Variants in SASH1 observed in about 807,000 individuals in gnomAD.
The protein encoded by SASH1 is SAM and SH3 domain-containing protein 1.
SASH1 carries 44 observed loss-of-function variants against 125.2 expected under a neutral mutation model. The ratio of observed to expected loss-of-function variants is 0.35; its 90% CI spans 0.28 to 0.45. The LOEUF (loss-of-function observed/expected upper bound fraction) is 0.45. Ranked by LOEUF, SASH1 falls within the 20% of genes least tolerant of loss-of-function variation. The pLI is 1.00. For synonymous variants in SASH1, 639 were observed against 649.1 expected, an observed-to-expected ratio of 0.98 and a Z score of 0.24; for missense variants, 1,426 against 1,614.5, an observed-to-expected ratio of 0.88 and a Z score of 2.00.
At chr6:148,321,479 G>A (rs1780632857) in intron 1 of SASH1, among the ~76,000 whole-genome samples, 1 of 151,582 alleles carries the variant, frequency 6.6e-6, no homozygotes, top group African/African-American at 2.4e-5. Flanking sequence ...TACTGAAACA[G>A]AGGAACCCCT....
chr6:148,304,825 C>T (rs992269839), intron 1 of SASH1, among the ~76,000 whole-genome samples: 5 of 152,196 alleles, frequency 3.3e-5, no homozygotes, highest in African/African-American at 1.2e-4. Context: ...GTCAGGAGTT[C>T]GAGATCAGCC....
rs1391981162 is a variant in SASH1 at position 148,390,190 on chromosome 6, C to A, written c.213C>A (p.Asn71Lys). Reference sequence around the variant, plus strand: ...CGCAGCAGTATGCAGATTATTACAACACCTGTTTCTCCGACGTGTGCGAGA... The same window carrying A: ...CGCAGCAGTATGCAGATTATTACAAAACCTGTTTCTCCGACGTGTGCGAGA... ...DLAQQYADYY[N>K]TCFSDVCERM... is the part of the protein sequence containing the mutation. Residue 71 changes from asparagine (N) to lysine (K), a missense_variant, in exon 2 of 20, where the codon AAC (asparagine) becomes AAA (lysine). This residue lies in a region of SASH1 where 567 missense variants were observed against 575.6 expected (regional missense o/e 0.99). Transcript: ENST00000367467. The A allele has an allele frequency of 6.2e-7, 1 of 1,613,716 alleles. No individual in the cohort carries two copies. The highest frequency in any genetic ancestry group is 8.5e-7 in the Non-Finnish European group (1 of 1,179,900).
chr6:148,308,776 T>G (rs1467277574), intron 1 of SASH1, among the ~76,000 whole-genome samples: 1 of 151,408 alleles, frequency 6.6e-6, no homozygotes, highest in Non-Finnish European at 1.5e-5. Context: ...AATTGTTCCT[T>G]GTCAGTCCAT....
Position 148,344,405 on chromosome 6 carries a change from A to G in SASH1, c.156+1182A>G, listed in dbSNP as rs150177007. Among the ~76,000 whole-genome samples, 1,187 of 152,280 alleles carry G rather than the reference A, an allele frequency of 7.8e-3. 13 individuals are homozygous for G. Among genetic ancestry groups the G allele is most frequent in the African/African-American group, 0.025 (1,047 of 41,554 alleles). On this transcript the variant is annotated intron_variant, in intron 1 of 19. Coordinates refer to ENST00000367467, the MANE Select transcript of SASH1 (RefSeq NM_015278.5). ...TTTCAGGTTTTATTTGTTTCCTGCA[A>G]AGTCTCCTGTCTCTTCCTTCTGGAC... is the stretch of plus-strand genomic sequence containing the variant.
the SASH1 span, among the ~76,000 whole-genome samples, chr6:148,253,597 G>T: frequency 1.3e-5 from 2 of 152,198 alleles, no homozygotes; most frequent in East Asian, 1.9e-4. Flanking sequence ...CATTGGCCGG[G>T]TGCGGTGGCT....
chr6:148,269,336 G>T (rs532796824), upstream of SASH1, among the ~76,000 whole-genome samples: 44 of 152,064 alleles, frequency 2.9e-4, no homozygotes, highest in Middle Eastern at 3.4e-3. Context: ...TGCTGTCCAG[G>T]TTGGAGTGCG....
intron 1 of SASH1, among the ~76,000 whole-genome samples, chr6:148,303,179 C>T (rs1780020794): frequency 6.6e-6 from 1 of 151,816 alleles, no homozygotes; most frequent in South Asian, 2.1e-4. Context: ...AGGGTTTCAC[C>T]ATGTTGGTCA....
intron 9 of SASH1, 115 bp downstream of exon 9, chr6:148,514,571 T>C: frequency 3.2e-6 from 4 of 1,242,926 alleles, no homozygotes; most frequent in Non-Finnish European, 4.2e-6. Context: ...AAGTGGAAAA[T>C]GCATTGAGCT....
At chr6:148,270,219 C>T (rs1448538985), upstream of SASH1, among the ~76,000 whole-genome samples, 1 of 152,132 alleles carries the variant, frequency 6.6e-6, no homozygotes, top group East Asian at 1.9e-4. Flanking sequence ...TAGTGGCAGC[C>T]CTGGAACTAG....
Position 148,464,669 on chromosome 6 carries a change from T to A in SASH1, c.387-3876T>A, listed in dbSNP as rs115742562. ...GCTGGATGAATTGTAATAATCATTC[T>A]CAAGGAGAAAGGAGATGGCATTTTG... is the stretch of plus-strand genomic sequence containing the variant. On this transcript the variant is annotated intron_variant, in intron 4 of 19. Coordinates refer to ENST00000367467, the MANE Select transcript of SASH1 (RefSeq NM_015278.5). Among the ~76,000 whole-genome samples, 693 of 152,332 alleles carry A rather than the reference T, an allele frequency of 4.5e-3. 5 individuals are homozygous for A. Among genetic ancestry groups the A allele is most frequent in the African/African-American group, 0.016 (652 of 41,580 alleles).
At chr6:148,389,231 G>C (rs1783602289) in intron 1 of SASH1, among the ~76,000 whole-genome samples, 1 of 152,204 alleles carries the variant, frequency 6.6e-6, no homozygotes, top group Non-Finnish European at 1.5e-5. Flanking sequence ...TGTTACTCCA[G>C]TAGTCCTCAC....
intron 1 of SASH1, among the ~76,000 whole-genome samples, chr6:148,368,757 C>T (rs915127861): frequency 6.3e-5 from 8 of 127,596 alleles, no homozygotes; most frequent in Non-Finnish European, 1.1e-4. Flanking sequence ...CCCACATGCG[C>T]GCGCACGCGC....
the SASH1 span, among the ~76,000 whole-genome samples, chr6:148,195,398 A>C: frequency 2.0e-5 from 3 of 152,218 alleles, no homozygotes; most frequent in Non-Finnish European, 2.9e-5. Flanking sequence ...TACACAAAGG[A>C]CTGAGACGTA....
chr6:148,421,347 G>A (rs1368791627), intron 2 of SASH1, among the ~76,000 whole-genome samples: 1 of 152,084 alleles, frequency 6.6e-6, no homozygotes, highest in African/African-American at 2.4e-5. Context: ...TCTGTTACCT[G>A]GGCTGGAGTG....
chr6:148,212,496 G>T, the SASH1 span, among the ~76,000 whole-genome samples: 10 of 152,168 alleles, frequency 6.6e-5, no homozygotes, highest in Non-Finnish European at 1.5e-4. Context: ...CATTTTTAGT[G>T]GCAAAACCAG....
chr6:148,290,192 A>G (rs993100267), intron 1 of SASH1, among the ~76,000 whole-genome samples: 2 of 151,406 alleles, frequency 1.3e-5, no homozygotes, highest in Non-Finnish European at 2.9e-5. Context: ...TCTCAGTGTT[A>G]ATGAAATATT....
At chr6:148,473,321 T>A (rs1175381364) in intron 6 of SASH1, among the ~76,000 whole-genome samples, 1 of 152,168 alleles carries the variant, frequency 6.6e-6, no homozygotes, top group East Asian at 1.9e-4. Flanking sequence ...GGTGTGATCT[T>A]GGCTCACTGC....
At chr6:148,431,137 G>A (rs183572509) in intron 2 of SASH1, among the ~76,000 whole-genome samples, 1 of 152,338 alleles carries the variant, frequency 6.6e-6, no homozygotes, top group East Asian at 1.9e-4. Flanking sequence ...AGAAACCTTG[G>A]GAAGAGAAAA....
At chr6:148,288,540 A>G (rs1199078068) in intron 1 of SASH1, among the ~76,000 whole-genome samples, 1 of 152,218 alleles carries the variant, frequency 6.6e-6, no homozygotes, top group African/African-American at 2.4e-5. Flanking sequence ...CAATCCTGCT[A>G]CTACTTTACT....
Sources: gnomAD v4.1 joint callset for allele counts (sites outside exome capture counted in the v4.1 genomes callset) on GRCh38, gnomAD v4.1.1 for gene constraint, gnomAD v4.1.1 regional missense constraint, MANE v1.5 for transcripts, NCBI Gene and HGNC (gene_info 2026-07-23, HGNC 2026-07-21) for gene names.